The following RASSF3 variants were observed in gnomAD, a reference collection of about 807,000 sequenced individuals.
The protein encoded by RASSF3 is ras association domain-containing protein 3.
A neutral mutation model predicts 19.9 loss-of-function variants in RASSF3; 19 were observed. The observed-to-expected ratio is 0.96, with a 90% CI of 0.67 to 1.40. The LOEUF (loss-of-function observed/expected upper bound fraction) is 1.40. RASSF3 is among the 40% of genes most tolerant of loss of function. RASSF3 has a pLI of 0.00. For synonymous variants in RASSF3, 110 were observed against 104.2 expected (o/e 1.06, Z -0.34); for missense variants, 306 against 289.8 (o/e 1.06, Z -0.41).
intron 1 of RASSF3, among the ~76,000 whole-genome samples, chr12:64,670,972 A>G (rs1341875446): frequency 6.6e-6 from 1 of 152,188 alleles, no homozygotes; most frequent in Non-Finnish European, 1.5e-5. Context: ...CCTATATGCA[A>G]AATAGGGATG....
At chr12:64,572,141 G>A (rs960006885) in intron 2 of RASSF3, among the ~76,000 whole-genome samples, 2 of 152,090 alleles carry the variant, frequency 1.3e-5, no homozygotes, top group Non-Finnish European at 2.9e-5. Flanking sequence ...GATTATTTAT[G>A]TCTTCTTATT....
chr12:64,537,806 T>C (rs1868860410), intron 1 of RASSF3, among the ~76,000 whole-genome samples: 1 of 152,138 alleles, frequency 6.6e-6, no homozygotes, highest in South Asian at 2.1e-4. Flanking sequence ...ACAGACTGAG[T>C]TGTTTAAACA....
intron 1 of RASSF3, among the ~76,000 whole-genome samples, chr12:64,657,475 G>T (rs9788201): frequency 0.18 from 27,110 of 152,248 alleles, 2,969 homozygotes; most frequent in South Asian, 0.31. Context: ...TAAAAAGTAA[G>T]AGTAGTAAAA....
At chr12:64,544,837 A>G (rs1869024904), downstream of RASSF3, among the ~76,000 whole-genome samples, 1 of 152,214 alleles carries the variant, frequency 6.6e-6, no homozygotes, top group South Asian at 2.1e-4. Context: ...AGTACAAAAG[A>G]CCAAATACAT....
intron 1 of RASSF3, among the ~76,000 whole-genome samples, chr12:64,642,918 T>C (rs1277465123): frequency 6.6e-6 from 1 of 151,464 alleles, no homozygotes; most frequent in Non-Finnish European, 1.5e-5. Context: ...CAAGCTGGAA[T>C]GCAGTGGTAC....
intron 2 of RASSF3, among the ~76,000 whole-genome samples, chr12:64,587,589 A>G (rs1032503444): frequency 1.3e-5 from 2 of 152,178 alleles, no homozygotes; most frequent in African/African-American, 4.8e-5. Flanking sequence ...TCACAGGATT[A>G]ATGAGTCTGA....
chr12:64,670,511 A>ATTTT (rs1872665894), intron 1 of RASSF3, among the ~76,000 whole-genome samples: 1 of 143,922 alleles, frequency 6.9e-6, no homozygotes. Context: ...GGCAGAAACT[A>ATTTT]TTTGTCATAC....
At chr12:64,634,938 A>G (rs1871283773) in intron 1 of RASSF3, among the ~76,000 whole-genome samples, 1 of 148,254 alleles carries the variant, frequency 6.7e-6, no homozygotes, top group African/African-American at 2.5e-5. Context: ...ATCCATGCAT[A>G]GTTTCTTCTT....
At chr12:64,689,574 T>C (rs2136222879) in intron 3 of RASSF3, among the ~76,000 whole-genome samples, 1 of 152,322 alleles carries the variant, frequency 6.6e-6, no homozygotes, top group Non-Finnish European at 1.5e-5. Flanking sequence ...GGCATTTTTA[T>C]CTGCCAGTTT....
At chr12:64,538,124 G>C (rs1414175700) in intron 1 of RASSF3, among the ~76,000 whole-genome samples, 1 of 152,030 alleles carries the variant, frequency 6.6e-6, no homozygotes, top group Non-Finnish European at 1.5e-5. Flanking sequence ...AAGTAGCTGG[G>C]ACTACAGGTG....
chr12:64,660,062 A>ATATATG (rs137981564), intron 1 of RASSF3, among the ~76,000 whole-genome samples: 1 of 149,384 alleles, frequency 6.7e-6, no homozygotes, highest in African/African-American at 2.5e-5. Context: ...GTATATATAT[A>ATATATG]TGTGTGTGTG....
chr12:64,532,437 A>G (rs1271917065), upstream of RASSF3, among the ~76,000 whole-genome samples: 1 of 152,244 alleles, frequency 6.6e-6, no homozygotes, highest in Admixed American at 6.5e-5. Context: ...TTTTCTGAAC[A>G]AGAAACATCG....
intron 1 of RASSF3, among the ~76,000 whole-genome samples, chr12:64,538,300 C>A (rs1363563618): frequency 6.6e-6 from 1 of 152,078 alleles, no homozygotes; most frequent in Non-Finnish European, 1.5e-5. Context: ...GCCTTAGTTT[C>A]CTCTTCCTGT....
intron 1 of RASSF3, among the ~76,000 whole-genome samples, chr12:64,631,218 A>G (rs1261811588): frequency 1.3e-5 from 2 of 152,102 alleles, no homozygotes; most frequent in Non-Finnish European, 2.9e-5. Context: ...AGAAAAAGAA[A>G]AGGGTGGTTG....
intron 2 of RASSF3, among the ~76,000 whole-genome samples, chr12:64,556,623 G>A (rs979156928): frequency 6.6e-6 from 1 of 152,024 alleles, no homozygotes; most frequent in African/African-American, 2.4e-5. Context: ...CTGCAGCCGG[G>A]GCCATCAGTC....
chr12:64,669,656 T>G lies in RASSF3; in HGVS notation c.112-15131T>G, dbSNP rs1872633163. Among the ~76,000 whole-genome samples, 4 of 152,060 alleles carry G rather than the reference T, an allele frequency of 2.6e-5. No individual in the cohort carries two copies. The South Asian group carries it at 8.3e-4, about 32-fold the overall frequency. ...AGTCCAGCCTTGGTAGCTGGGCTGC[T>G]GTTCTCCTTGACCCGTCCCTTTGCA... On this transcript the variant is annotated intron_variant, in intron 1 of 4. Coordinates refer to ENST00000542104, the MANE Select transcript of RASSF3 (RefSeq NM_178169.4).
At chr12:64,641,942 A>G (rs1000583853) in intron 1 of RASSF3, among the ~76,000 whole-genome samples, 2 of 151,764 alleles carry the variant, frequency 1.3e-5, no homozygotes, top group Admixed American at 6.6e-5. Flanking sequence ...GGGTTTCTCC[A>G]TGTTGGTCAG....
chr12:64,546,914 A>G (rs1869073673), intron 2 of RASSF3, among the ~76,000 whole-genome samples: 1 of 151,786 alleles, frequency 6.6e-6, no homozygotes, highest in South Asian at 2.1e-4. Flanking sequence ...GAATTTGGCC[A>G]AGAACCACAA....
intron 1 of RASSF3, among the ~76,000 whole-genome samples, chr12:64,665,044 A>C (rs1193820146): frequency 6.6e-6 from 1 of 152,224 alleles, no homozygotes; most frequent in African/African-American, 2.4e-5. Flanking sequence ...ACCTCTAAAA[A>C]GTCAGAGTTC....
Sources: gnomAD v4.1 joint callset for allele counts (sites outside exome capture counted in the v4.1 genomes callset) on GRCh38, gnomAD v4.1.1 for gene constraint, MANE v1.5 for transcripts, NCBI Gene and HGNC (gene_info 2026-07-23, HGNC 2026-07-21) for gene names.